The following RAPGEF4 variants were observed in gnomAD, a reference collection of about 807,000 sequenced individuals.
The protein encoded by RAPGEF4 is RAP guanine-nucleotide-exchange factor (GEF) 4.
A neutral mutation model predicts 147.9 loss-of-function variants in RAPGEF4; 66 were observed. The observed-to-expected ratio is 0.45, with a 90% CI of 0.37 to 0.55. RAPGEF4 has a LOEUF of 0.55. RAPGEF4 is among the 20% of genes least tolerant of loss of function. The pLI is 0.00. For missense variants in RAPGEF4, 1,071 were observed against 1,257.3 expected (o/e 0.85, Z 2.24); for synonymous variants, 419 against 442.7 (o/e 0.95, Z 0.67).
chr2:172,788,697 C>A (rs1371008570), intron 1 of RAPGEF4, among the ~76,000 whole-genome samples: 1 of 151,604 alleles, frequency 6.6e-6, no homozygotes, highest in African/African-American at 2.4e-5. Context: ...CCACCCTGGG[C>A]AACAAGGCGA....
intron 18 of RAPGEF4, among the ~76,000 whole-genome samples, chr2:173,014,989 AT>A (rs1180564976): frequency 2.0e-5 from 3 of 152,228 alleles, no homozygotes; most frequent in Non-Finnish European, 4.4e-5. Context: ...AATCAAAAAA[AT>A]ATCTAATGAC....
chr2:173,049,766 A>G (rs1333843937), intron 30 of RAPGEF4, among the ~76,000 whole-genome samples: 1 of 152,224 alleles, frequency 6.6e-6, no homozygotes, highest in African/African-American at 2.4e-5. Context: ...CAATATCATC[A>G]ACTATTCTTA....
chr2:173,016,380 G>A lies in RAPGEF4; in HGVS notation c.1841G>A (p.Arg614Gln), dbSNP rs779840587. Reference sequence around the variant, plus strand: ...TATGTATCTGTATCAGATGATGCCCGGATGATTGCTGCCCTCAAGGAGCAA... The same window carrying A: ...TATGTATCTGTATCAGATGATGCCCAGATGATTGCTGCCCTCAAGGAGCAA... ...EFYVSVSDDA[R>Q]MIAALKEQLP... The change falls in exon 19 of 31, where the codon CGG becomes CAG. Residue 614 changes from arginine to glutamine, a missense_variant. Transcript: ENST00000397081. 60 of 1,613,576 alleles carry A rather than the reference G, an allele frequency of 3.7e-5. No individual in the cohort carries two copies. The highest frequency in any genetic ancestry group is 1.6e-4 in the Middle Eastern group (1 of 6,084).
chr2:172,803,796 G>A (rs1033293812), intron 3 of RAPGEF4, among the ~76,000 whole-genome samples: 4 of 152,164 alleles, frequency 2.6e-5, no homozygotes, highest in African/African-American at 9.7e-5. Context: ...ATGCTTTGCT[G>A]CATAGAAATT....
intron 23 of RAPGEF4, among the ~76,000 whole-genome samples, chr2:173,021,342 A>G (rs1257668195): frequency 1.3e-5 from 2 of 152,210 alleles, no homozygotes; most frequent in African/African-American, 4.8e-5. Context: ...AGTAGCTAGT[A>G]ACATATCTTA....
chr2:173,005,007 T>C (rs1694289911), intron 17 of RAPGEF4, among the ~76,000 whole-genome samples: 1 of 152,162 alleles, frequency 6.6e-6, no homozygotes, highest in Non-Finnish European at 1.5e-5. Context: ...GGGGCAAAGA[T>C]ATGTGAGAAA....
chr2:172,796,022 T>G (rs542130435), intron 2 of RAPGEF4, among the ~76,000 whole-genome samples: 97 of 152,296 alleles, frequency 6.4e-4, no homozygotes, highest in Middle Eastern at 6.8e-3. Flanking sequence ...TATTGACTCA[T>G]TGGCCAGAAA....
intron 1 of RAPGEF4, among the ~76,000 whole-genome samples, chr2:172,761,547 C>G (rs1437218070): frequency 6.6e-6 from 1 of 152,008 alleles, no homozygotes; most frequent in African/African-American, 2.4e-5. Flanking sequence ...CAAGCTGTCT[C>G]CAGATGAAGA....
At chr2:172,846,401 G>A (rs548920301) in intron 4 of RAPGEF4, among the ~76,000 whole-genome samples, 1 of 152,308 alleles carries the variant, frequency 6.6e-6, no homozygotes, top group Admixed American at 6.5e-5. Flanking sequence ...CATCCATGAT[G>A]GAGCATGTGT....
chr2:172,848,776 G>A (rs1434049332), intron 4 of RAPGEF4, among the ~76,000 whole-genome samples: 2 of 152,172 alleles, frequency 1.3e-5, no homozygotes, highest in Non-Finnish European at 2.9e-5. Flanking sequence ...CAAGAGGCCT[G>A]CCTCTCAGCA....
At chr2:173,026,825 A>G in intron 24 of RAPGEF4, 128 bp downstream of exon 24, 1 of 1,297,432 alleles carries the variant, frequency 7.7e-7, no homozygotes, top group Non-Finnish European at 1.1e-6. Context: ...TTGCATACTG[A>G]GCTTATAAAT....
chr2:172,749,676 T>C (rs1433338293), intron 1 of RAPGEF4, among the ~76,000 whole-genome samples: 1 of 152,248 alleles, frequency 6.6e-6, no homozygotes, highest in Non-Finnish European at 1.5e-5. Flanking sequence ...ATTTGGCTCC[T>C]CATTACTTAT....
chr2:173,015,339 C>T (rs139577962), intron 18 of RAPGEF4, among the ~76,000 whole-genome samples: 3 of 152,332 alleles, frequency 2.0e-5, no homozygotes, highest in South Asian at 2.1e-4. Context: ...CTCAATTAGT[C>T]GCTCTCCCCT....
chr2:172,766,902 G>A (rs983157730), intron 1 of RAPGEF4, among the ~76,000 whole-genome samples: 1 of 152,104 alleles, frequency 6.6e-6, no homozygotes, highest in African/African-American at 2.4e-5. Context: ...TATCCAAGAC[G>A]ATTCTGAAAC....
chr2:172,918,688 G>A (rs1055409620), intron 5 of RAPGEF4, among the ~76,000 whole-genome samples: 25 of 152,124 alleles, frequency 1.6e-4, no homozygotes, highest in Non-Finnish European at 2.9e-4. Flanking sequence ...CATGGTTAGC[G>A]TTCGTTACCA....
At chr2:172,970,806 GA>G (rs1248711068) in intron 10 of RAPGEF4, among the ~76,000 whole-genome samples, 1 of 151,826 alleles carries the variant, frequency 6.6e-6, no homozygotes, top group South Asian at 2.1e-4. Flanking sequence ...TATTGGTATT[GA>G]AAAAAAACAC....
At chr2:172,819,107 C>G (rs1688796715) in intron 4 of RAPGEF4, among the ~76,000 whole-genome samples, 2 of 152,128 alleles carry the variant, frequency 1.3e-5, no homozygotes, top group Admixed American at 6.5e-5. Flanking sequence ...TACCCTACAT[C>G]TTTCCTAATG....
chr2:172,957,217 T>A (rs1194153412), intron 6 of RAPGEF4, among the ~76,000 whole-genome samples: 1 of 152,266 alleles, frequency 6.6e-6, no homozygotes, highest in Non-Finnish European at 1.5e-5. Flanking sequence ...TAGAGCTGGC[T>A]TGCTTTCTTT....
At chr2:173,049,568 G>A (rs1200604802) in intron 30 of RAPGEF4, among the ~76,000 whole-genome samples, 1 of 152,224 alleles carries the variant, frequency 6.6e-6, no homozygotes, top group Non-Finnish European at 1.5e-5. Context: ...TTATTAGTCA[G>A]AGTTGTTTGT....
Sources: allele counts gnomAD v4.1 joint callset (sites outside exome capture counted in the v4.1 genomes callset), GRCh38; gene constraint gnomAD v4.1.1; transcripts MANE v1.5; gene names NCBI Gene and HGNC (gene_info 2026-07-23, HGNC 2026-07-21).